AVEN: variants seen among roughly 807,000 people sequenced by gnomAD.
AVEN encodes the protein cell death regulator Aven.
Under a neutral mutation model 38.1 loss-of-function variants are expected in AVEN, and 41 were observed. That is an observed-to-expected ratio of 1.08 (90% CI 0.84 to 1.40). The LOEUF is 1.40. Among genes scored for constraint, AVEN ranks in the 40% most tolerant of loss-of-function variants. The pLI, the probability that AVEN is intolerant of heterozygous loss-of-function variation, is 0.00. For missense variants in AVEN, 605 were observed against 438.8 expected, an observed-to-expected ratio of 1.38 and a Z score of -3.38; for synonymous variants, 206 against 171.8, an observed-to-expected ratio of 1.20 and a Z score of -1.56.
the AVEN span, chr15:33,853,045 A>T: frequency 3.7e-6 from 6 of 1,606,412 alleles, no homozygotes; most frequent in Non-Finnish European, 8.5e-7. Context: ...TGTTTTTCAG[A>T]TCTTTTCCTA....
At chr15:33,921,244 T>A (rs1737753938) in intron 2 of AVEN, among the ~76,000 whole-genome samples, 1 of 152,202 alleles carries the variant, frequency 6.6e-6, no homozygotes, top group South Asian at 2.1e-4. Context: ...ATTAATCTTC[T>A]CAGTACTGCA....
At position 33,868,306 on chromosome 15, in the gene AVEN, GA is replaced by G. The variant is rs919379654; in HGVS notation, c.613-452del. On this transcript the variant is annotated intron_variant, in intron 4 of 5. Transcript: ENST00000306730. ...TGGGAGGCCAAGGTGGGTGGATCAT[GA>G]GGTCAGGAGATTGAGACCATCCTGG... Among the ~76,000 whole-genome samples the G allele has an allele frequency of 1.8e-3, 267 of 152,226 alleles. 1 individual carries two copies. The highest frequency in any genetic ancestry group is 6.0e-3 in the African/African-American group (250 of 41,558).
chr15:33,861,209 C>T (rs1224894764), intron 11 of AVEN: 17 of 1,500,470 alleles, frequency 1.1e-5, no homozygotes, highest in South Asian at 3.6e-5. Flanking sequence ...AAAGTAATGG[C>T]AGCTGTAGCG....
At chr15:33,853,604 T>A in the AVEN span, 1 of 1,613,884 alleles carries the variant, frequency 6.2e-7, no homozygotes, top group Non-Finnish European at 8.5e-7. Flanking sequence ...ATTGCTGAAC[T>A]TCTGGGTTTG....
At chr15:33,902,264 T>G (rs1892523601) in intron 2 of AVEN, among the ~76,000 whole-genome samples, 1 of 152,250 alleles carries the variant, frequency 6.6e-6, no homozygotes, top group Admixed American at 6.5e-5. Context: ...ATTCCTGGTA[T>G]GCATGGCTAG....
intron 1 of AVEN, among the ~76,000 whole-genome samples, chr15:34,037,421 G>A (rs971149554): frequency 1.3e-5 from 2 of 151,580 alleles, no homozygotes; most frequent in Admixed American, 6.6e-5. Context: ...AGCTGTGAAA[G>A]CTTAGGCAAG....
intron 2 of AVEN, among the ~76,000 whole-genome samples, chr15:33,989,736 T>G (rs1896636808): frequency 6.6e-6 from 1 of 152,082 alleles, no homozygotes; most frequent in African/African-American, 2.4e-5. Context: ...GTAAAGAGAA[T>G]TTATCAACTT....
chr15:33,906,804 G>GGAT (rs568526994), intron 2 of AVEN, among the ~76,000 whole-genome samples: 472 of 152,158 alleles, frequency 3.1e-3, no homozygotes, highest in Admixed American at 4.8e-3. Context: ...CTCTGGATAT[G>GGAT]GATGATGATG....
At chr15:34,005,254 A>C (rs1897294325) in intron 1 of AVEN, among the ~76,000 whole-genome samples, 1 of 152,124 alleles carries the variant, frequency 6.6e-6, no homozygotes, top group South Asian at 2.1e-4. Flanking sequence ...TCCGTAACCC[A>C]AAAAATGTCC....
intron 3 of AVEN, among the ~76,000 whole-genome samples, chr15:33,875,635 T>G (rs1597178713): frequency 6.6e-6 from 1 of 152,154 alleles, no homozygotes; most frequent in African/African-American, 2.4e-5. Context: ...GAAGACCAAA[T>G]GGCAAAGTAA....
chr15:34,049,272 A>G (rs762401428), intron 5 of AVEN, among the ~76,000 whole-genome samples: 3 of 152,222 alleles, frequency 2.0e-5, no homozygotes, highest in Non-Finnish European at 4.4e-5. Flanking sequence ...CTAAAGGACC[A>G]TGTTGTAACC....
Position 33,866,335 on chromosome 15 carries a change from A to T in AVEN, c.*278T>A, listed in dbSNP as rs1890482202. The T allele has an allele frequency of 2.2e-6, 1 of 464,806 alleles. No homozygotes were observed. Among genetic ancestry groups the T allele is most frequent in the East Asian group, 3.7e-5 (1 of 26,848 alleles). 28.8% of individuals were successfully genotyped at this position (464,806 alleles called of 1,614,324 possible). A position where few individuals can be genotyped will look rare whatever the true frequency, so the allele number is the denominator to read the frequency against. On this transcript the variant is annotated 3_prime_UTR_variant, in exon 6 of 6. Transcript: ENST00000306730. ...GCTGTAAACACTGGCTATGTTGTAA[A>T]CACTGCAAGGAAGGAGGCTAGAAAC... is the stretch of plus-strand genomic sequence containing the variant.
intron 2 of AVEN, among the ~76,000 whole-genome samples, chr15:33,967,778 C>T (rs1013430582): frequency 3.3e-5 from 5 of 151,430 alleles, no homozygotes; most frequent in African/African-American, 9.7e-5. Flanking sequence ...ATTTAAAAAT[C>T]TATTCTTTTA....
At chr15:33,993,990 T>A (rs1456008321) in intron 2 of AVEN, among the ~76,000 whole-genome samples, 1 of 152,238 alleles carries the variant, frequency 6.6e-6, no homozygotes, top group African/African-American at 2.4e-5. Flanking sequence ...GTTGCTTCCA[T>A]CTGAGGCTCT....
intron 2 of AVEN, among the ~76,000 whole-genome samples, chr15:33,921,900 CCT>C (rs879607758): frequency 0.69 from 104,399 of 151,582 alleles, 36,304 homozygotes; most frequent in East Asian, 0.8. Context: ...TAGCAGCAAA[CCT>C]ACAGTTCATT....
intron 1 of AVEN, among the ~76,000 whole-genome samples, chr15:34,025,282 C>A (rs555540134): frequency 6.6e-6 from 1 of 152,238 alleles, no homozygotes; most frequent in South Asian, 2.1e-4. Flanking sequence ...CTATAGAAAC[C>A]AACTCTGGCT....
intron 1 of AVEN, among the ~76,000 whole-genome samples, chr15:34,073,993 T>TTTCTTC (rs1900686942): frequency 6.8e-5 from 1 of 14,732 alleles, no homozygotes; most frequent in Non-Finnish European, 1.1e-3. Context: ...CTTCTTCTTT[T>TTTCTTC]TTTTTTTTTT....
rs770213768 is a variant in AVEN at position 34,063,813 on chromosome 15, G to A, written n.1127-381C>T. The A allele has an allele frequency of 7.4e-6, 12 of 1,613,882 alleles. No homozygotes were observed. The highest frequency in any genetic ancestry group is 1.0e-5 in the Non-Finnish European group (12 of 1,179,830). ...CACCCCAAACTACCTTCTGTCTCCA[G>A]CAGCTGCTCATAGACCCAAGAGTCA... On this transcript the variant is annotated intron_variant and non_coding_transcript_variant, in intron 4 of 11. Transcript: ENST00000675287. The surrounding 1 kb of genome is among the most constrained non-coding windows in gnomAD (Gnocchi z 4.1).
intron 1 of AVEN, among the ~76,000 whole-genome samples, chr15:34,029,195 C>T (rs1898643037): frequency 6.6e-6 from 1 of 152,094 alleles, no homozygotes; most frequent in Non-Finnish European, 1.5e-5. Flanking sequence ...ATCACCCCCA[C>T]CACCGCCACT....
Sources: gnomAD v4.1 joint callset for allele counts (sites outside exome capture counted in the v4.1 genomes callset) on GRCh38, gnomAD v4.1.1 for gene constraint, Gnocchi (gnomAD v3.1) non-coding constraint, MANE v1.5 for transcripts, NCBI Gene and HGNC (gene_info 2026-07-23, HGNC 2026-07-21) for gene names.